Variants in ITGA2 observed in about 807,000 individuals in gnomAD.
The protein encoded by ITGA2 is integrin subunit alpha 2.
In ITGA2, 101 loss-of-function variants were observed where a neutral mutation model predicts 146.3. That is an observed-to-expected ratio of 0.69 (90% CI 0.59 to 0.81). ITGA2 has a LOEUF of 0.81. ITGA2 is among the 40% of genes least tolerant of loss of function. ITGA2 has a pLI of 0.00. For missense variants in ITGA2, 1,281 were observed against 1,402.7 expected (o/e 0.91, Z 1.39); for synonymous variants, 477 against 487.1 (o/e 0.98, Z 0.27).
chr5:53,091,559 G>A lies in ITGA2; in HGVS notation c.*960G>A, dbSNP rs977044157. ...TACTGAACCACTCTCCCACCTCCTGGTGGTACCATTATTATAGAAGCCCTC... is the reference window on the plus strand; with the variant it reads ...TACTGAACCACTCTCCCACCTCCTGATGGTACCATTATTATAGAAGCCCTC... On this transcript the variant is annotated 3_prime_UTR_variant, in exon 30 of 30. Transcript: ENST00000296585. 3.9e-5 allele frequency: 6 copies of A among 152,054 alleles called. No homozygotes were observed. The highest frequency in any genetic ancestry group is 1.2e-4 in the African/African-American group (5 of 41,394). 9.4% of individuals were successfully genotyped at this position (152,054 alleles called of 1,614,324 possible). A position where few individuals can be genotyped will look rare whatever the true frequency, so the allele number is the denominator to read the frequency against.
At chr5:53,037,275 C>T (rs566144958) in intron 2 of ITGA2, among the ~76,000 whole-genome samples, 95 of 152,336 alleles carry the variant, frequency 6.2e-4, no homozygotes, top group Admixed American at 1.4e-3. Flanking sequence ...GAAGAATTCC[C>T]AGTTTCACTG....
At position 53,081,798 on chromosome 5, in the gene ITGA2, A is replaced by T. The variant is rs1252819021; in HGVS notation, c.3144+102A>T. On this transcript the variant is annotated intron_variant, in intron 26 of 29. Coordinates refer to ENST00000296585, the MANE Select transcript of ITGA2 (RefSeq NM_002203.4). ...CCAGCTGATATCATAGAGCTTTCTT[A>T]TTTTGCCTTTGATGCTTATATGAGT... 3.7e-6 allele frequency: 3 copies of T among 804,726 alleles called. No homozygotes were observed. In the African/African-American group the frequency reaches 5.2e-5, roughly 14 times the overall value. 49.8% of individuals were successfully genotyped at this position (804,726 alleles called of 1,614,324 possible).
intron 2 of ITGA2, among the ~76,000 whole-genome samples, chr5:53,036,950 A>G (rs1475512964): frequency 6.6e-6 from 1 of 152,158 alleles, no homozygotes; most frequent in Non-Finnish European, 1.5e-5. Flanking sequence ...TTGTTATAAA[A>G]TTGAATAAAA....
chr5:53,058,165 C>A (rs1230560717), intron 10 of ITGA2, 64 bp downstream of exon 10: 34 of 1,196,234 alleles, frequency 2.8e-5, no homozygotes, highest in African/African-American at 2.1e-4. Flanking sequence ...GACACAGTAG[C>A]CTTATACATA....
intron 26 of ITGA2, among the ~76,000 whole-genome samples, 189 bp from the exon 27 acceptor site, chr5:53,083,151 A>T (rs944365715): frequency 1.3e-5 from 2 of 151,968 alleles, no homozygotes; most frequent in African/African-American, 2.4e-5. Context: ...CACTTGGTAC[A>T]TTTTGAGATA....
At chr5:53,030,537 T>G (rs1376910653) in intron 2 of ITGA2, among the ~76,000 whole-genome samples, 2 of 152,100 alleles carry the variant, frequency 1.3e-5, no homozygotes, top group Non-Finnish European at 2.9e-5. Context: ...CTGAACCATA[T>G]GGAATTCAGA....
chr5:53,058,129 T>A (rs3212529), intron 10 of ITGA2, 28 bp downstream of exon 10: 1 of 1,529,778 alleles, frequency 6.5e-7, no homozygotes. Context: ...CTTCAAGCCA[T>A]GTTGTCATTT....
Position 53,067,229 on chromosome 5 carries a change from C to G in ITGA2, c.2055C>G (p.Phe685Leu). ...TCAAACTCTGCTTCAGTGCAAAGTT[C>G]AGACCTACTAAGCAAAACAATCAAG... Reference protein sequence around the residue: ...IILKLCFSAKFRPTKQNNQVA... With the variant: ...IILKLCFSAKLRPTKQNNQVA... Residue 685 changes from phenylalanine (F) to leucine (L), a missense_variant, in exon 16 of 30, where the codon TTC becomes TTG. Physicochemically the swap from Phe to Leu is conservative, Grantham distance 22. This residue lies in a region of ITGA2 where 795 missense variants were observed against 841.7 expected (regional missense o/e 0.94). Coordinates refer to ENST00000296585, the MANE Select transcript of ITGA2 (RefSeq NM_002203.4). 6.2e-7 allele frequency: 1 copy of G among 1,611,646 alleles called. No individual in the cohort carries two copies. Among genetic ancestry groups the G allele is most frequent in the Non-Finnish European group, 8.5e-7 (1 of 1,178,682 alleles).
chr5:53,057,135 A>G (rs950130570), intron 9 of ITGA2, among the ~76,000 whole-genome samples: 51 of 152,000 alleles, frequency 3.4e-4, no homozygotes, highest in Non-Finnish European at 6.5e-4. Context: ...TGATAATTGT[A>G]TTTGTTTGTA....
intron 3 of ITGA2, among the ~76,000 whole-genome samples, 194 bp from the exon 4 acceptor site, chr5:53,044,807 C>T (rs1743994197): frequency 6.6e-6 from 1 of 152,200 alleles, no homozygotes; most frequent in Non-Finnish European, 1.5e-5. Flanking sequence ...TCTGCAGCCT[C>T]ACACATTAAT....
intron 25 of ITGA2, 54 bp from the exon 26 acceptor site, chr5:53,081,538 A>T (rs1433466763): frequency 1.5e-6 from 2 of 1,332,944 alleles, no homozygotes; most frequent in African/African-American, 2.9e-5. Context: ...TGTTGAAAGG[A>T]ACATCATAAA....
At chr5:53,073,300 T>C (rs1745491095) in intron 20 of ITGA2, 41 bp downstream of exon 20, 1 of 1,601,642 alleles carries the variant, frequency 6.2e-7, no homozygotes, top group Admixed American at 1.7e-5. Context: ...CCATGCTTCC[T>C]ACTTATAGAT....
chr5:53,043,768 A>T (rs1018396846), intron 3 of ITGA2, among the ~76,000 whole-genome samples: 1 of 152,196 alleles, frequency 6.6e-6, no homozygotes, highest in Non-Finnish European at 1.5e-5. Context: ...GATTAAAATT[A>T]ATGTCATTTG....
chr5:53,054,851 A>G (rs1744556597), intron 7 of ITGA2, among the ~76,000 whole-genome samples: 1 of 152,080 alleles, frequency 6.6e-6, no homozygotes, highest in African/African-American at 2.4e-5. Flanking sequence ...TGCTCAGGTG[A>G]TGGGTGCAAA....
intron 1 of ITGA2, among the ~76,000 whole-genome samples, chr5:52,992,816 C>A (rs1471534887): frequency 1.3e-5 from 2 of 152,120 alleles, no homozygotes; most frequent in East Asian, 1.9e-4. Context: ...GTGCCAATTT[C>A]TTGGCATGTC....
rs1189836683 is a variant in ITGA2, at chr5:53,059,992, G to T, written c.1292G>T (p.Arg431Ile). The T allele has an allele frequency of 6.2e-7, 1 of 1,612,156 alleles. No homozygotes were observed. Among genetic ancestry groups the T allele is most frequent in the Admixed American group, 1.7e-5 (1 of 59,802 alleles). The change falls in exon 11 of 30, where the codon AGA becomes ATA. Residue 431 changes from arginine (R) to isoleucine (I), a missense_variant. Around this residue, in one of 3 missense-constraint regions of ITGA2, gnomAD observed 795 missense variants for 841.7 expected, o/e 0.94. Transcript: ENST00000296585. ...GCCTTTGACCAAATTCTGCAGGACA[G>T]AAATCACAGTTCATATTTAGGTAAG... ...KQAFDQILQD[R>I]NHSSYLGYSV...
chr5:53,080,668 A>C, intron 25 of ITGA2, 47 bp downstream of exon 25: 1 of 1,315,684 alleles, frequency 7.6e-7, no homozygotes, highest in Middle Eastern at 1.8e-4. Flanking sequence ...CAAGATGTAA[A>C]TAACCCATGA....
chr5:53,061,974 T>C (rs77482900), intron 12 of ITGA2, among the ~76,000 whole-genome samples: 2 of 151,992 alleles, frequency 1.3e-5, no homozygotes, highest in East Asian at 3.9e-4. Flanking sequence ...ATTTAGAAAA[T>C]AACAGTGACA....
At chr5:52,997,369 TA>T (rs1361208637) in intron 1 of ITGA2, among the ~76,000 whole-genome samples, 2 of 152,198 alleles carry the variant, frequency 1.3e-5, no homozygotes, top group African/African-American at 4.8e-5. Context: ...AGAAGCCATA[TA>T]TAACTCCTGA....
Sources: gnomAD v4.1 joint callset for allele counts (sites outside exome capture counted in the v4.1 genomes callset) on GRCh38, gnomAD v4.1.1 for gene constraint, gnomAD v4.1.1 regional missense constraint, MANE v1.5 for transcripts, NCBI Gene and HGNC (gene_info 2026-07-23, HGNC 2026-07-21) for gene names.